The following ODAD2 variants were observed in gnomAD, a reference collection of about 807,000 sequenced individuals.
ODAD2 encodes the protein outer dynein arm docking complex subunit 2, also known as outer dynein arm-docking complex subunit 2.
In ODAD2, 89 loss-of-function variants were observed where a neutral mutation model predicts 106.8. The observed-to-expected ratio is 0.83, with a 90% CI of 0.70 to 0.99. The LOEUF (loss-of-function observed/expected upper bound fraction) is 0.99, where lower values mean the gene tolerates loss of function less well. ODAD2 is among the 50% of genes least tolerant of loss of function. The pLI is 0.00. For synonymous variants in ODAD2, 404 were observed against 436.2 expected (o/e 0.93, Z 0.92); for missense variants, 1,168 against 1,238.5 (o/e 0.94, Z 0.85).
In ODAD2 at chr10:27,934,785, G is replaced by A. The variant is rs114990538; in HGVS notation, c.2495+225C>T. On this transcript the variant is annotated intron_variant, in intron 16 of 19. Coordinates refer to ENST00000305242, the MANE Select transcript of ODAD2 (RefSeq NM_018076.5). ...TTCCACATGGGAAATTGATTACCGT[G>A]TATTGTAAATCCTCCCAATATGACC... Among the ~76,000 whole-genome samples, 2,893 of 152,206 alleles carry A rather than the reference G, an allele frequency of 0.019. 38 individuals are homozygous for A. Among genetic ancestry groups the A allele is most frequent in the Middle Eastern group, 0.048 (14 of 294 alleles).
At chr10:27,839,986 A>G (rs1463869830) in intron 19 of ODAD2, among the ~76,000 whole-genome samples, 1 of 152,248 alleles carries the variant, frequency 6.6e-6, no homozygotes, top group Non-Finnish European at 1.5e-5. Context: ...ATTTTCAAAA[A>G]TATTATAAAT....
In ODAD2 at chr10:27,944,341, T is replaced by TCA. The variant is rs1469506495; in HGVS notation, c.1622_1623dup (p.Asn542Ter). ...CTCTTGTGTGGAGAATCAAGTATATTCACCATAATTGGTAAGCCCCCAAGG... is the reference window on the plus strand; with the variant it reads ...CTCTTGTGTGGAGAATCAAGTATATTCACACCATAATTGGTAAGCCCCCAAGG... On this transcript the variant is annotated frameshift_variant, in exon 12 of 20. Coordinates refer to ENST00000305242, the MANE Select transcript of ODAD2 (RefSeq NM_018076.5). LOFTEE classifies it high-confidence loss of function. The TCA allele has an allele frequency of 1.9e-6, 3 of 1,613,932 alleles. No individual in the cohort carries two copies. The East Asian group carries it at 6.7e-5, about 36-fold the overall frequency.
intron 17 of ODAD2, among the ~76,000 whole-genome samples, chr10:27,867,842 G>A (rs1840556787): frequency 6.6e-6 from 1 of 151,860 alleles, no homozygotes; most frequent in Admixed American, 6.6e-5. Flanking sequence ...CCAGCTATTT[G>A]GGAGGCTGAG....
chr10:27,999,325 C>T (rs756149148), upstream of ODAD2, among the ~76,000 whole-genome samples: 8 of 152,032 alleles, frequency 5.3e-5, no homozygotes, highest in Non-Finnish European at 1.0e-4. Flanking sequence ...CCTTAGAAAC[C>T]CCTTTTTACA....
At chr10:27,825,836 A>G (rs746329994) in intron 19 of ODAD2, among the ~76,000 whole-genome samples, 1 of 152,246 alleles carries the variant, frequency 6.6e-6, no homozygotes, top group Non-Finnish European at 1.5e-5. Flanking sequence ...TTCCTACACA[A>G]TAAGTGGAAC....
intron 17 of ODAD2, 46 bp downstream of exon 17, chr10:27,907,617 T>C (rs1190874509): frequency 1.5e-6 from 2 of 1,347,634 alleles, no homozygotes; most frequent in African/African-American, 1.4e-5. Flanking sequence ...TTTTTCAGTA[T>C]AGTATTAGAG....
At chr10:27,878,469 G>A (rs1841491764) in intron 17 of ODAD2, among the ~76,000 whole-genome samples, 1 of 152,140 alleles carries the variant, frequency 6.6e-6, no homozygotes, top group African/African-American at 2.4e-5. Flanking sequence ...GTTTTCTGAT[G>A]AGGTGAGATA....
At chr10:27,906,002 C>A (rs981330584) in intron 17 of ODAD2, among the ~76,000 whole-genome samples, 1 of 152,042 alleles carries the variant, frequency 6.6e-6, no homozygotes, top group African/African-American at 2.4e-5. Context: ...GCAACAAAAG[C>A]CAGAATTGAC....
At chr10:27,948,779 ATTTTTTTTTTTT>A (rs11451204) in intron 10 of ODAD2, among the ~76,000 whole-genome samples, 1 of 40,320 alleles carries the variant, frequency 2.5e-5, no homozygotes, top group Non-Finnish European at 4.2e-5. Context: ...TGGCCTTTGG[ATTTTTTTTTTTT>A]TTTTTTTTTT....
At chr10:27,820,124 T>G (rs1452845062) in intron 19 of ODAD2, among the ~76,000 whole-genome samples, 2 of 152,070 alleles carry the variant, frequency 1.3e-5, no homozygotes, top group Non-Finnish European at 2.9e-5. Context: ...GGCCCAGAGG[T>G]CAGTCTAGCT....
rs778700742 is a variant in ODAD2, at chr10:27,945,000, C to CTA, written c.1387-39_1387-38insTA. 1.4e-5 allele frequency: 22 copies of CTA among 1,609,150 alleles called. No homozygotes were observed. In the East Asian group the frequency reaches 4.5e-4, roughly 33 times the overall value. On this transcript the variant is annotated intron_variant, in intron 10 of 19. Coordinates refer to ENST00000305242, the MANE Select transcript of ODAD2 (RefSeq NM_018076.5). ...AATGCCAGAGAAAGGTTAAGGAACA[C>CTA]CGCATTCCCATAGAAATGCACTAAG...
rs181511510 is a variant in ODAD2 at position 27,901,226 on chromosome 10, G to A, written c.2610+6437C>T. Among the ~76,000 whole-genome samples, 600 of 152,222 alleles carry A rather than the reference G, an allele frequency of 3.9e-3. 6 individuals are homozygous for A. Among genetic ancestry groups the A allele is most frequent in the African/African-American group, 0.014 (571 of 41,522 alleles). On this transcript the variant is annotated intron_variant, in intron 17 of 19. Transcript: ENST00000305242. ...TCCAGCCAAACTAAGCTTCATAAGC[G>A]AAGGAGAAATAAAATCCTTTACAGA...
At chr10:27,871,818 A>G (rs1303666672) in intron 17 of ODAD2, among the ~76,000 whole-genome samples, 1 of 152,174 alleles carries the variant, frequency 6.6e-6, no homozygotes, top group Non-Finnish European at 1.5e-5. Context: ...CTTTGGACTT[A>G]GGATTGTCTT....
At chr10:27,937,339 CTTTT>C (rs57375404) in intron 14 of ODAD2, among the ~76,000 whole-genome samples, 1 of 132,766 alleles carries the variant, frequency 7.5e-6, no homozygotes, top group African/African-American at 2.9e-5. Flanking sequence ...TTTCTTTTTT[CTTTT>C]TTTTTTTTTT....
At chr10:27,994,618 C>A (rs755114085) in intron 2 of ODAD2, among the ~76,000 whole-genome samples, 2 of 152,106 alleles carry the variant, frequency 1.3e-5, no homozygotes, top group African/African-American at 2.4e-5. Context: ...AAAGGCCAGG[C>A]ATAAAGCAGC....
intron 16 of ODAD2, among the ~76,000 whole-genome samples, chr10:27,922,790 C>T (rs575628176): frequency 1.2e-4 from 18 of 152,170 alleles, no homozygotes; most frequent in African/African-American, 4.3e-4. Context: ...CCTGTAATCC[C>T]AGCTACTATG....
chr10:27,876,325 C>T lies in ODAD2; in HGVS notation c.2611-13703G>A, dbSNP rs115201161. 8.1e-3 allele frequency among the ~76,000 whole-genome samples: 1,234 copies of T among 152,266 alleles called. 17 individuals are homozygous for T. The highest frequency in any genetic ancestry group is 0.025 in the African/African-American group (1,057 of 41,530). On this transcript the variant is annotated intron_variant, in intron 17 of 19. Transcript: ENST00000305242. ...GGGGCAGACTGACACCCCACACTGC[C>T]GGGTACCCCTCTGAGACAAAGCCTC... is the stretch of plus-strand genomic sequence containing the variant.
intron 12 of ODAD2, among the ~76,000 whole-genome samples, chr10:27,942,905 G>C (rs1236390906): frequency 6.6e-6 from 1 of 152,172 alleles, no homozygotes; most frequent in African/African-American, 2.4e-5. Context: ...CAGATGACAA[G>C]TGAAAACACA....
At chr10:27,959,945 C>T (rs1360788095) in intron 10 of ODAD2, among the ~76,000 whole-genome samples, 1 of 151,992 alleles carries the variant, frequency 6.6e-6, no homozygotes, top group African/African-American at 2.4e-5. Context: ...CATGTAAAAA[C>T]AATGTGCACC....
Sources: gnomAD v4.1 joint callset for allele counts (sites outside exome capture counted in the v4.1 genomes callset) on GRCh38, gnomAD v4.1.1 for gene constraint, MANE v1.5 for transcripts, NCBI Gene and HGNC (gene_info 2026-07-23, HGNC 2026-07-21) for gene names.